Variants in MORN4 observed in about 807,000 individuals in gnomAD.
MORN4 encodes the protein MORN repeat containing 4.
In MORN4, 8 loss-of-function variants were observed where a neutral mutation model predicts 16.4. The ratio of observed to expected loss-of-function variants is 0.49; its 90% confidence interval spans 0.29 to 0.88. The LOEUF is 0.88. Ranked by LOEUF, MORN4 falls within the 40% of genes least tolerant of loss-of-function variation. The pLI is 0.09. For synonymous variants in MORN4, 53 were observed against 68.9 expected, an observed-to-expected ratio of 0.77 and a Z score of 1.14; for missense variants, 159 against 182.9, an observed-to-expected ratio of 0.87 and a Z score of 0.75.
chr10:97,623,940 G>A (rs983811475), intron 1 of MORN4, among the ~76,000 whole-genome samples: 3 of 151,956 alleles, frequency 2.0e-5, no homozygotes, highest in Admixed American at 6.6e-5. Flanking sequence ...GTTTCACCGT[G>A]TTAGCCAGGA....
At chr10:97,626,404 C>A (rs866232479) in intron 1 of MORN4, among the ~76,000 whole-genome samples, 102 of 120,594 alleles carry the variant, frequency 8.5e-4, no homozygotes, top group African/African-American at 3.9e-3. Flanking sequence ...TAATCATAAT[C>A]ATAATCATAA....
intron 1 of MORN4, among the ~76,000 whole-genome samples, chr10:97,630,862 T>C (rs1424141528): frequency 3.9e-5 from 6 of 152,282 alleles, no homozygotes; most frequent in East Asian, 3.9e-4. Flanking sequence ...CCCAATACTT[T>C]TTTTTTTTTG....
chr10:97,624,805 G>A (rs1257284269), intron 1 of MORN4, among the ~76,000 whole-genome samples: 5 of 151,996 alleles, frequency 3.3e-5, no homozygotes, highest in African/African-American at 9.7e-5. Context: ...TCCAACCTCC[G>A]CCTCAGCCTC....
Position 97,615,648 on chromosome 10 carries a change from C to T in MORN4, c.*615G>A, listed in dbSNP as rs1268863926. 1 of 152,048 alleles carries T rather than the reference C, an allele frequency of 6.6e-6. No individual in the cohort carries two copies. The highest frequency in any genetic ancestry group is 1.5e-5 in the Non-Finnish European group (1 of 68,034). The allele number at this position is 152,048 out of a possible 1,614,324, so 9.4% of individuals were successfully genotyped here. On this transcript the variant is annotated 3_prime_UTR_variant, in exon 5 of 5. Coordinates refer to ENST00000307450, the MANE Select transcript of MORN4 (RefSeq NM_178832.4). ...GCTGAGGCAGGGGAATTGCTTGAAC[C>T]TGGGAGGCAGAAGTTGCAGTGAGCT...
chr10:97,633,233 T>C lies in MORN4; in HGVS notation c.-31+114A>G. On this transcript the variant is annotated intron_variant, in intron 1 of 4. Coordinates refer to ENST00000307450, the MANE Select transcript of MORN4 (RefSeq NM_178832.4). This position sits in a 1 kb window ranked among gnomAD's most constrained non-coding sequence, Gnocchi z 4.5. ...ACAGGCAACCGCCCTCAGGTCAGCG[T>C]ATCCGAGGTGGAGCCGCGCCCCCGA... The C allele has an allele frequency of 8.5e-7, 1 of 1,178,376 alleles. No homozygotes were observed. Among genetic ancestry groups the C allele is most frequent in the Non-Finnish European group, 1.1e-6 (1 of 909,050 alleles). The allele number at this position is 1,178,376 out of a possible 1,614,324, so 73.0% of individuals were successfully genotyped here. A position where few individuals can be genotyped will look rare whatever the true frequency, so the allele number is the denominator to read the frequency against.
Position 97,616,681 on chromosome 10 carries a change from A to C in MORN4, c.289T>G (p.Phe97Val), listed in dbSNP as rs746053446. ...ATCCTGCTGGGCTGCAACTTACCAA[A>C]ACCATCTACTCTGCCATTTTTAAAT... ...GEFKNGRVDG[F>V]GLLTFPDGSH... is the part of the protein sequence containing the mutation. The change falls in exon 4 of 5, where the codon TTT becomes GTT. Residue 97 changes from phenylalanine to valine, a missense_variant. Coordinates refer to ENST00000307450, the MANE Select transcript of MORN4 (RefSeq NM_178832.4). The C allele has an allele frequency of 4.3e-6, 7 of 1,612,564 alleles. No individual in the cohort carries two copies. The South Asian group carries it at 7.7e-5, about 18-fold the overall frequency.
At chr10:97,624,425 T>C (rs1404917436) in intron 1 of MORN4, among the ~76,000 whole-genome samples, 1 of 152,176 alleles carries the variant, frequency 6.6e-6, no homozygotes, top group Non-Finnish European at 1.5e-5. Flanking sequence ...ATTTGTTTTG[T>C]TTTAAGAGAT....
chr10:97,616,306 C>T lies in MORN4; in HGVS notation c.398G>A (p.Arg133Gln), dbSNP rs772811834. The change falls in exon 5 of 5, where the codon CGG (arginine) becomes CAG (glutamine). Residue 133 changes from arginine (R) to glutamine (Q), a missense_variant. By Grantham distance (43) the Arg-to-Gln change is conservative. Transcript: ENST00000307450. ...GGCTGACTTGGAGGCGCTCTGGGCC[C>T]GCTGAACAATGGCAGAACACTTCTC... ...RREKCSAIVQ[R>Q]AQSASKSARN... 3 of 1,612,400 alleles carry T rather than the reference C, an allele frequency of 1.9e-6. No homozygotes were observed. Among genetic ancestry groups the T allele is most frequent in the East Asian group, 2.2e-5 (1 of 44,842 alleles).
At chr10:97,619,548 A>G (rs766910507) in intron 2 of MORN4, 39 bp downstream of exon 2, 1 of 1,430,504 alleles carries the variant, frequency 7.0e-7, no homozygotes, top group African/African-American at 1.4e-5. Flanking sequence ...CCAGCAAATG[A>G]AGTGTTCATC....
chr10:97,622,650 C>T (rs45607432), intron 1 of MORN4, among the ~76,000 whole-genome samples: 24,346 of 143,816 alleles, frequency 0.17, 2,242 homozygotes, highest in Non-Finnish European at 0.21. Context: ...GCCAAGATCA[C>T]GCCACGACAC....
chr10:97,618,796 T>TG (rs1171936469), intron 2 of MORN4, among the ~76,000 whole-genome samples: 1 of 151,650 alleles, frequency 6.6e-6, no homozygotes, highest in Non-Finnish European at 1.5e-5. Flanking sequence ...TGTTTTTTTT[T>TG]TTTTTTTTCC....
At chr10:97,622,983 C>T (rs1220375594) in intron 1 of MORN4, among the ~76,000 whole-genome samples, 1 of 151,854 alleles carries the variant, frequency 6.6e-6, no homozygotes, top group African/African-American at 2.4e-5. Flanking sequence ...CTCCTGGATT[C>T]AAGGCATCCC....
At position 97,616,760 on chromosome 10, in the gene MORN4, C is replaced by A. The variant is rs1238101954; in HGVS notation, c.210G>T (p.Lys70Asn). Residue 70 changes from lysine (K) to asparagine (N), a missense_variant, in exon 4 of 5, where the codon AAG becomes AAT. Lys to Asn is a moderately conservative substitution (Grantham distance 94). Coordinates refer to ENST00000307450, the MANE Select transcript of MORN4 (RefSeq NM_178832.4). ...SRYEGEFAQG[K>N]FNGVGVFIRY... ...GAATGAAGACTCCGACGCCATTAAA[C>A]TTGCCCTGGGCAAACTCCCCCTCAT... The A allele has an allele frequency of 1.2e-6, 2 of 1,614,156 alleles. No homozygotes were observed. Among genetic ancestry groups the A allele is most frequent in the South Asian group, 1.1e-5 (1 of 91,090 alleles).
rs150577682 is a variant in MORN4 at position 97,616,295 on chromosome 10, C to A, written c.409G>T (p.Ala137Ser). ...CSAIVQRAQSASKSARNLTA is the reference protein window; with the variant it reads ...CSAIVQRAQSSSKSARNLTA ...GTGAGATTTCTGGCTGACTTGGAGG[C>A]GCTCTGGGCCCGCTGAACAATGGCA... Residue 137 changes from alanine (A) to serine (S), a missense_variant, in exon 5 of 5, where the codon GCC (alanine) becomes TCC (serine). Ala to Ser is a moderately conservative substitution (Grantham distance 99). Transcript: ENST00000307450. The A allele has an allele frequency of 4.4e-6, 7 of 1,608,244 alleles. No homozygotes were observed. The Admixed American group carries it at 1.0e-4, about 23-fold the overall frequency.
intron 1 of MORN4, among the ~76,000 whole-genome samples, chr10:97,621,696 T>C (rs949309326): frequency 3.3e-5 from 5 of 152,062 alleles, no homozygotes; most frequent in African/African-American, 1.2e-4. Context: ...AAATCCTGTC[T>C]CTACTAAAGA....
At chr10:97,623,824 C>T (rs2041325445) in intron 1 of MORN4, among the ~76,000 whole-genome samples, 2 of 151,756 alleles carry the variant, frequency 1.3e-5, no homozygotes, top group African/African-American at 4.8e-5. Context: ...CAAGCTCTGC[C>T]TCCCGGGTTC....
rs1407738850 is a variant in MORN4, at chr10:97,633,223, C to T, written c.-31+124G>A. 1 of 1,149,396 alleles carries T rather than the reference C, an allele frequency of 8.7e-7. No homozygotes were observed. Among genetic ancestry groups the T allele is most frequent in the Admixed American group, 2.8e-5 (1 of 35,962 alleles). 71.2% of individuals were successfully genotyped at this position (1,149,396 alleles called of 1,614,324 possible). A position where few individuals can be genotyped will look rare whatever the true frequency, so the allele number is the denominator to read the frequency against. On this transcript the variant is annotated intron_variant, in intron 1 of 4. Coordinates refer to ENST00000307450, the MANE Select transcript of MORN4 (RefSeq NM_178832.4). The surrounding 1 kb of genome is among the most constrained non-coding windows in gnomAD (Gnocchi z 4.5). The stretch of plus-strand genomic sequence containing the variant: ...TGGGTCCCCCACAGGCAACCGCCCT[C>T]AGGTCAGCGTATCCGAGGTGGAGCC...
At chr10:97,617,132 G>T in intron 3 of MORN4, 76 bp downstream of exon 3, 1 of 1,115,718 alleles carries the variant, frequency 9.0e-7, no homozygotes. Context: ...GGATTGACCA[G>T]ATATTTACCA....
At chr10:97,622,275 T>C (rs1341371986) in intron 1 of MORN4, among the ~76,000 whole-genome samples, 1 of 151,976 alleles carries the variant, frequency 6.6e-6, no homozygotes, top group Non-Finnish European at 1.5e-5. Flanking sequence ...GAGATCACAG[T>C]ATAATGGGAG....
Sources: gnomAD v4.1 joint callset for allele counts (sites outside exome capture counted in the v4.1 genomes callset) on GRCh38, gnomAD v4.1.1 for gene constraint, Gnocchi (gnomAD v3.1) non-coding constraint, MANE v1.5 for transcripts, NCBI Gene and HGNC (gene_info 2026-07-23, HGNC 2026-07-21) for gene names.